Variants in LARGE1 observed in about 807,000 individuals in gnomAD.
LARGE1 encodes xylosyl- and glucuronyltransferase LARGE1.
A neutral mutation model predicts 87.6 loss-of-function variants in LARGE1; 43 were observed. The observed-to-expected ratio is 0.49, with a 90% CI of 0.38 to 0.63. The LOEUF (loss-of-function observed/expected upper bound fraction) is 0.63. Ranked by LOEUF, LARGE1 falls within the 30% of genes least tolerant of loss-of-function variation. The pLI is 0.00. For missense variants in LARGE1, 802 were observed against 1,000.2 expected (o/e 0.80, Z 2.67); for synonymous variants, 434 against 394.6 (o/e 1.10, Z -1.18).
intron 11 of LARGE1, among the ~76,000 whole-genome samples, chr22:33,170,133 C>T (rs1568957546): frequency 6.6e-6 from 1 of 152,074 alleles, no homozygotes; most frequent in East Asian, 1.9e-4. Flanking sequence ...CTTTGGGATG[C>T]CGAGGTGGGA....
intron 6 of LARGE1, among the ~76,000 whole-genome samples, chr22:33,449,091 C>T (rs894248664): frequency 1.3e-5 from 2 of 152,114 alleles, no homozygotes; most frequent in African/African-American, 4.8e-5. Flanking sequence ...TACTGCCTTC[C>T]TTTTTACTGC....
chr22:33,246,415 C>T (rs1039385859), intron 11 of LARGE1, among the ~76,000 whole-genome samples: 9 of 151,984 alleles, frequency 5.9e-5, no homozygotes, highest in Admixed American at 2.6e-4. Flanking sequence ...GGAGGCTGAG[C>T]GGGATGGATC....
intron 12 of LARGE1, among the ~76,000 whole-genome samples, chr22:33,286,336 AC>A (rs1323589805): frequency 2.6e-5 from 4 of 152,220 alleles, no homozygotes; most frequent in Middle Eastern, 6.8e-3. Flanking sequence ...AGAGGTGGGT[AC>A]CTTATCTATT....
At chr22:33,218,641 G>A (rs575968847) in intron 11 of LARGE1, among the ~76,000 whole-genome samples, 1 of 152,144 alleles carries the variant, frequency 6.6e-6, no homozygotes, top group Non-Finnish European at 1.5e-5. Flanking sequence ...CCTACTGTGT[G>A]CCAGGCACTG....
At chr22:33,397,212 T>A (rs993277287) in intron 7 of LARGE1, among the ~76,000 whole-genome samples, 5 of 152,056 alleles carry the variant, frequency 3.3e-5, no homozygotes, top group Non-Finnish European at 7.4e-5. Flanking sequence ...GCCTCCTGGG[T>A]CCAAGCAATT....
At chr22:33,328,375 T>C (rs1340888815) in intron 10 of LARGE1, among the ~76,000 whole-genome samples, 1 of 151,468 alleles carries the variant, frequency 6.6e-6, no homozygotes, top group Admixed American at 6.6e-5. Context: ...AGGTCAGGAG[T>C]TCAAGACCAG....
intron 2 of LARGE1, among the ~76,000 whole-genome samples, chr22:33,708,142 T>C (rs529022541): frequency 9.2e-5 from 14 of 151,882 alleles, no homozygotes; most frequent in Non-Finnish European, 1.8e-4. Flanking sequence ...AAAGCACCTA[T>C]CCCAGAGGAG....
intron 1 of LARGE1, among the ~76,000 whole-genome samples, chr22:33,770,183 T>C (rs926198402): frequency 4.6e-5 from 7 of 152,272 alleles, no homozygotes; most frequent in Middle Eastern, 3.2e-3. Context: ...TTTGCATGTA[T>C]AGCCAATGCA....
At chr22:33,537,520 A>G (rs879723309) in intron 6 of LARGE1, among the ~76,000 whole-genome samples, 6 of 152,146 alleles carry the variant, frequency 3.9e-5, no homozygotes, top group Non-Finnish European at 8.8e-5. Context: ...TCTCAAGACC[A>G]TTAACTTAAT....
chr22:33,292,794 GGAT>G (rs1451342743), intron 12 of LARGE1, among the ~76,000 whole-genome samples: 10 of 152,134 alleles, frequency 6.6e-5, no homozygotes, highest in Non-Finnish European at 4.4e-5. Flanking sequence ...CTTTTTAATC[GGAT>G]GATGTAGATT....
chr22:33,140,014 C>G, the LARGE1 span, among the ~76,000 whole-genome samples: 4 of 152,176 alleles, frequency 2.6e-5, no homozygotes, highest in Non-Finnish European at 5.9e-5. Context: ...GCTTGCTTCT[C>G]CAGTAATGGA....
intron 11 of LARGE1, among the ~76,000 whole-genome samples, chr22:33,314,209 C>G (rs991984963): frequency 6.6e-6 from 1 of 152,090 alleles, no homozygotes; most frequent in African/African-American, 2.4e-5. Context: ...CTGTCTTTAC[C>G]TGTTACCTGC....
In LARGE1 at chr22:33,450,244, G is replaced by T. The variant is rs188242230; in HGVS notation, c.788-17979C>A. Among the ~76,000 whole-genome samples, 10 of 152,114 alleles carry T rather than the reference G, an allele frequency of 6.6e-5. No individual in the cohort carries two copies. In the East Asian group the frequency reaches 1.5e-3, roughly 24 times the overall value. On this transcript the variant is annotated intron_variant, in intron 6 of 14. Transcript: ENST00000397394. ...TTGTACTTTTAAAAAATTTGATGCA[G>T]CATCACATCACAGGAATCAGAGTTG... is the stretch of plus-strand genomic sequence containing the variant.
the LARGE1 span, among the ~76,000 whole-genome samples, chr22:33,081,233 T>C: frequency 1.3e-5 from 2 of 152,200 alleles, no homozygotes; most frequent in African/African-American, 4.8e-5. Flanking sequence ...CCTCCAGAAC[T>C]GTGAGAAATA....
chr22:33,269,318 C>T (rs927208130), downstream of LARGE1, among the ~76,000 whole-genome samples: 7 of 152,310 alleles, frequency 4.6e-5, no homozygotes, highest in East Asian at 1.4e-3. Context: ...AAAACCGTTT[C>T]TGTGAAAGTC....
chr22:33,487,036 G>A (rs2069618837), intron 6 of LARGE1, among the ~76,000 whole-genome samples: 2 of 152,194 alleles, frequency 1.3e-5, no homozygotes, highest in South Asian at 4.1e-4. Context: ...CTCTGGATGA[G>A]TGACTGCAGC....
chr22:33,449,901 C>T lies in LARGE1; in HGVS notation c.788-17636G>A, dbSNP rs113710409. Among the ~76,000 whole-genome samples the T allele has an allele frequency of 2.6e-5, 4 of 152,058 alleles. 1 individual carries two copies. Among genetic ancestry groups the T allele is most frequent in the African/African-American group, 9.6e-5 (4 of 41,492 alleles). The stretch of plus-strand genomic sequence containing the variant: ...GCTATGTCTAAGGGGACTCTTGCAT[C>T]GAGGATGAGGCTTTTGTACTTTTTT... On this transcript the variant is annotated intron_variant, in intron 6 of 14. Coordinates refer to ENST00000397394, the MANE Select transcript of LARGE1 (RefSeq NM_133642.5).
At chr22:33,344,511 G>A (rs950486282) in intron 9 of LARGE1, among the ~76,000 whole-genome samples, 8 of 152,230 alleles carry the variant, frequency 5.3e-5, no homozygotes, top group South Asian at 2.1e-4. Context: ...ACCCAGAGTC[G>A]GAAAGTGACT....
At chr22:33,308,182 G>C (rs1296273647) in intron 11 of LARGE1, among the ~76,000 whole-genome samples, 1 of 152,142 alleles carries the variant, frequency 6.6e-6, no homozygotes, top group Non-Finnish European at 1.5e-5. Context: ...AGACGGCCAG[G>C]TCAGAAACCC....
Sources: allele counts gnomAD v4.1 joint callset (sites outside exome capture counted in the v4.1 genomes callset), GRCh38; gene constraint gnomAD v4.1.1; transcripts MANE v1.5; gene names NCBI Gene and HGNC (gene_info 2026-07-23, HGNC 2026-07-21).